DIS3: variants seen among roughly 807,000 people sequenced by gnomAD.
The protein encoded by DIS3 is DIS3 exosome endoribonuclease and 3'-5' exoribonuclease.
A neutral mutation model predicts 113.0 loss-of-function variants in DIS3; 103 were observed. The observed-to-expected ratio is 0.91, with a 90% CI of 0.78 to 1.07. The LOEUF is 1.07. Ranked by LOEUF, DIS3 falls within the 50% of genes least tolerant of loss-of-function variation. DIS3 has a pLI of 0.00. For missense variants in DIS3, 1,121 were observed against 1,167.1 expected (o/e 0.96, Z 0.58); for synonymous variants, 402 against 394.3 (o/e 1.02, Z -0.23).
chr13:72,771,403 G>A (rs79610875), intron 11 of DIS3, among the ~76,000 whole-genome samples: 8 of 152,208 alleles, frequency 5.3e-5, no homozygotes, highest in Non-Finnish European at 1.2e-4. Flanking sequence ...CTACACTAAC[G>A]ACCTAGCTGT....
chr13:72,779,774 G>C (rs925364700), intron 2 of DIS3, among the ~76,000 whole-genome samples: 13 of 151,830 alleles, frequency 8.6e-5, no homozygotes, highest in African/African-American at 2.9e-4. Flanking sequence ...TGGTGGTGGG[G>C]GGGGTAAGGG....
chr13:72,766,805 C>A (rs1442493583), intron 14 of DIS3, among the ~76,000 whole-genome samples: 1 of 151,996 alleles, frequency 6.6e-6, no homozygotes, highest in Non-Finnish European at 1.5e-5. Context: ...TGAGACTGGG[C>A]AACCTTGAAC....
At chr13:72,778,497 C>T in intron 2 of DIS3, 117 bp from the exon 3 acceptor site, 1 of 700,884 alleles carries the variant, frequency 1.4e-6, no homozygotes, top group Admixed American at 3.1e-5. Context: ...TATATCTTTT[C>T]TCTTGAATGT....
intron 5 of DIS3, 30 bp from the exon 6 acceptor site, chr13:72,775,405 A>C: frequency 6.4e-7 from 1 of 1,556,790 alleles, no homozygotes; most frequent in Non-Finnish European, 8.7e-7. Context: ...GCACGTGCCC[A>C]AATTATTTTT....
chr13:72,754,026 G>A lies in DIS3; in HGVS notation c.*5769C>T. The stretch of plus-strand genomic sequence containing the variant: ...TCTTACATACTACAAAGTGTGCAAA[G>A]GTAGCGTGTATTTGATGAGGGCATT... On this transcript the variant is annotated 3_prime_UTR_variant, in exon 21 of 21. Coordinates refer to ENST00000377767, the MANE Select transcript of DIS3 (RefSeq NM_014953.5). 1 of 489,356 alleles carries A rather than the reference G, an allele frequency of 2.0e-6. No homozygotes were observed. Among genetic ancestry groups the A allele is most frequent in the East Asian group, 3.6e-5 (1 of 28,030 alleles). The allele number at this position is 489,356 out of a possible 1,614,324, so 30.3% of individuals were successfully genotyped here.
Position 72,752,561 on chromosome 13 carries a change from A to G in DIS3, c.*7234T>C, listed in dbSNP as rs144106921. 127 of 152,342 alleles carry G rather than the reference A, an allele frequency of 8.3e-4. No homozygotes were observed. Among genetic ancestry groups the G allele is most frequent in the African/African-American group, 2.9e-3 (119 of 41,582 alleles). 9.4% of individuals were successfully genotyped at this position (152,342 alleles called of 1,614,324 possible). A position where few individuals can be genotyped will look rare whatever the true frequency, so the allele number is the denominator to read the frequency against. ...TAAGCCAGCTATTTGGCAGTGATGA[A>G]TATTAGAAGGAAGAGCTATTGGCAG... On this transcript the variant is annotated 3_prime_UTR_variant, in exon 21 of 21. Coordinates refer to ENST00000377767, the MANE Select transcript of DIS3 (RefSeq NM_014953.5).
chr13:72,781,134 T>A, intron 1 of DIS3, 131 bp from the exon 2 acceptor site: 1 of 1,341,398 alleles, frequency 7.5e-7, no homozygotes, highest in Non-Finnish European at 1.0e-6. Flanking sequence ...GCCAAGAAGC[T>A]ATTTGGCTAT....
chr13:72,761,286 C>A, intron 19 of DIS3, 77 bp downstream of exon 19: 2 of 1,518,002 alleles, frequency 1.3e-6, no homozygotes, highest in Non-Finnish European at 1.8e-6. Context: ...TAATTTTATG[C>A]TTTATAGGTA....
chr13:72,759,959 C>G, intron 20 of DIS3, 81 bp from the exon 21 acceptor site: 1 of 1,122,932 alleles, frequency 8.9e-7, no homozygotes, highest in Admixed American at 2.1e-5. Context: ...TTCCCCACTG[C>G]CAGCTTCAAA....
In DIS3 at chr13:72,757,313, G is replaced by A. The variant is rs144953208; in HGVS notation, c.*2482C>T. On this transcript the variant is annotated 3_prime_UTR_variant, in exon 21 of 21. Coordinates refer to ENST00000377767, the MANE Select transcript of DIS3 (RefSeq NM_014953.5). ...CACCCAGGCTGGAGTGCAGTGGCGC[G>A]ATCTTGGCTCACTGCAACCTCTGCC... The A allele has an allele frequency of 0.02, 3,064 of 150,806 alleles. 123 individuals carry two copies. The highest frequency in any genetic ancestry group is 0.07 in the African/African-American group (2,839 of 40,772). 9.3% of individuals were successfully genotyped at this position (150,806 alleles called of 1,614,324 possible).
rs1347043678 is a variant in DIS3, at chr13:72,754,148, A to AT, written c.*5646dup. On this transcript the variant is annotated 3_prime_UTR_variant, in exon 21 of 21. Coordinates refer to ENST00000377767, the MANE Select transcript of DIS3 (RefSeq NM_014953.5). ...GGACAGTCTTTAATTTTATGTGCCA[A>AT]TTTTTTTTGCATTTTATTTTTTTGT... 7.2e-5 allele frequency: 13 copies of AT among 181,786 alleles called. No individual in the cohort carries two copies. The highest frequency in any genetic ancestry group is 6.1e-4 in the East Asian group (4 of 6,572). 11.3% of individuals were successfully genotyped at this position (181,786 alleles called of 1,614,324 possible). A position where few individuals can be genotyped will look rare whatever the true frequency, so the allele number is the denominator to read the frequency against.
chr13:72,778,073 T>C (rs2034062683), intron 3 of DIS3, 114 bp downstream of exon 3: 4 of 920,776 alleles, frequency 4.3e-6, no homozygotes, highest in Admixed American at 3.0e-5. Context: ...CACATGAAGT[T>C]ATATAGGACT....
At chr13:72,775,421 C>T in intron 5 of DIS3, 46 bp from the exon 6 acceptor site, 1 of 1,534,590 alleles carries the variant, frequency 6.5e-7, no homozygotes, top group African/African-American at 1.4e-5. Flanking sequence ...TTTTTAATGG[C>T]AATATAATAA....
intron 6 of DIS3, among the ~76,000 whole-genome samples, chr13:72,774,444 C>T (rs528360335): frequency 2.0e-5 from 3 of 152,202 alleles, no homozygotes; most frequent in Admixed American, 2.0e-4. Flanking sequence ...GGTATGGTGA[C>T]TAGTTCCCTT....
intron 13 of DIS3, among the ~76,000 whole-genome samples, chr13:72,769,444 A>G (rs1005115836): frequency 1.3e-5 from 2 of 152,230 alleles, no homozygotes; most frequent in African/African-American, 4.8e-5. Flanking sequence ...CAAAATATAC[A>G]AATAACTACT....
rs748455063 is a variant in DIS3 at position 72,755,173 on chromosome 13, G to T, written c.*4622C>A. 43 of 1,613,708 alleles carry T rather than the reference G, an allele frequency of 2.7e-5. 1 individual carries two copies. In the South Asian group the frequency reaches 4.7e-4, roughly 18 times the overall value. On this transcript the variant is annotated 3_prime_UTR_variant, in exon 21 of 21. Coordinates refer to ENST00000377767, the MANE Select transcript of DIS3 (RefSeq NM_014953.5). ...CAGCAAGACCACACAACACAGAGGT[G>T]TTGGATGAAAACAGCAAGCCCTTTT...
intron 14 of DIS3, among the ~76,000 whole-genome samples, chr13:72,766,754 A>G (rs1029478105): frequency 6.6e-6 from 1 of 152,196 alleles, no homozygotes; most frequent in Non-Finnish European, 1.5e-5. Flanking sequence ...CATAACTTTC[A>G]TGAGGTCAGC....
Position 72,775,251 on chromosome 13 carries a change from T to C in DIS3, c.947A>G (p.Asn316Ser), listed in dbSNP as rs763439261. 6.2e-7 allele frequency: 1 copy of C among 1,613,608 alleles called. No homozygotes were observed. The highest frequency in any genetic ancestry group is 8.5e-7 in the Non-Finnish European group (1 of 1,179,686). The part of the protein sequence containing the change: ...SSVVLHDEGQ[N>S]EEDVEKEEET... ...TTCTTCTTTCTCCACATCTTCTTCA[T>C]TTTGACCTTCATCATGTAAAACCAC... Residue 316 changes from asparagine (N) to serine (S), a missense_variant, in exon 6 of 21, where the codon AAT becomes AGT. Physicochemically the swap from Asn to Ser is conservative, Grantham distance 46 (BLOSUM62 1). This residue lies in a region of DIS3 where 861 missense variants were observed against 915.5 expected (regional missense o/e 0.94). Coordinates refer to ENST00000377767, the MANE Select transcript of DIS3 (RefSeq NM_014953.5).
chr13:72,757,733 CTTT>C lies in DIS3; in HGVS notation c.*2059_*2061del, dbSNP rs1200496885. 5.3e-6 allele frequency: 1 copy of C among 189,350 alleles called. No individual in the cohort carries two copies. The highest frequency in any genetic ancestry group is 6.2e-5 in the Admixed American group (1 of 16,222). 11.7% of individuals were successfully genotyped at this position (189,350 alleles called of 1,614,324 possible). A position where few individuals can be genotyped will look rare whatever the true frequency, so the allele number is the denominator to read the frequency against. On this transcript the variant is annotated 3_prime_UTR_variant, in exon 21 of 21. Coordinates refer to ENST00000377767, the MANE Select transcript of DIS3 (RefSeq NM_014953.5). Reference sequence around the variant, plus strand: ...TGAGCCACCGCACCTAGCCGGCAAACTTTTTTAAATGGTTGGCGGGGGTGGGGG... The same window carrying C: ...TGAGCCACCGCACCTAGCCGGCAAACTTTAAATGGTTGGCGGGGGTGGGGG...
Sources: allele counts gnomAD v4.1 joint callset (sites outside exome capture counted in the v4.1 genomes callset), GRCh38; gene constraint gnomAD v4.1.1; regional missense constraint gnomAD v4.1.1; transcripts MANE v1.5; gene names NCBI Gene and HGNC (gene_info 2026-07-23, HGNC 2026-07-21).